Variants in TRPM5 observed in about 807,000 individuals in gnomAD.
The protein encoded by TRPM5 is MLSN1 and TRP-related.
In TRPM5, 121 loss-of-function variants were observed where a neutral mutation model predicts 124.9. That is an observed-to-expected ratio of 0.97 (90% confidence interval 0.84 to 1.13). The LOEUF (loss-of-function observed/expected upper bound fraction) is 1.13. TRPM5 is among the 50% of genes most tolerant of loss of function. The pLI is 0.00. For missense variants in TRPM5, 1,643 were observed against 1,589.1 expected, an observed-to-expected ratio of 1.03 and a Z score of -0.58; for synonymous variants, 781 against 700.5, an observed-to-expected ratio of 1.11 and a Z score of -1.81.
chr11:2,412,154 T>TG lies in TRPM5; in HGVS notation c.2454dup (p.Ile819HisfsTer14). ...ACAGACCTGCAGGTGACACCCACGATGAACAGGAAGATGGCCACCATGTCA... is the reference window on the plus strand; with the variant it reads ...ACAGACCTGCAGGTGACACCCACGATGGAACAGGAAGATGGCCACCATGTCA... On this transcript the variant is annotated frameshift_variant, in exon 16 of 24. Transcript: ENST00000155858. LOFTEE classifies it high-confidence loss of function. The TG allele has an allele frequency of 1.2e-6, 2 of 1,613,466 alleles. No individual in the cohort carries two copies. Among genetic ancestry groups the TG allele is most frequent in the South Asian group, 1.1e-5 (1 of 91,092 alleles).
chr11:2,428,182 G>A, the TRPM5 span, among the ~76,000 whole-genome samples: 1 of 152,192 alleles, frequency 6.6e-6, no homozygotes, highest in African/African-American at 2.4e-5. This position sits in a 1 kb window ranked among gnomAD's most constrained non-coding sequence, Gnocchi z 4.0. Flanking sequence ...GACTCTAATA[G>A]CCTGGCTTCT....
chr11:2,415,659 G>A (rs987347084), intron 8 of TRPM5, among the ~76,000 whole-genome samples, 188 bp from the exon 14 acceptor site: 2 of 152,244 alleles, frequency 1.3e-5, no homozygotes, highest in African/African-American at 2.4e-5. Context: ...GGGGCCAGTC[G>A]TGAGCAAATG....
In TRPM5 at chr11:2,420,219, C is replaced by A. The variant is rs767879243; in HGVS notation, c.649+3G>T. 2.5e-6 allele frequency: 4 copies of A among 1,590,420 alleles called. No individual in the cohort carries two copies. Among genetic ancestry groups the A allele is most frequent in the Non-Finnish European group, 3.4e-6 (4 of 1,172,792 alleles). ...TTCCCTGGGTGGCTGGGGCGGGTCT[C>A]ACCCCCGTAGCCCGCCCTCTGCTCC... On this transcript the variant is annotated splice_donor_region_variant and intron_variant, in intron 4 of 23. Coordinates refer to ENST00000155858, the Ensembl canonical transcript of TRPM5.
intron 21 of TRPM5, 132 bp downstream of exon 26, chr11:2,406,529 C>G: frequency 7.8e-7 from 1 of 1,275,746 alleles, no homozygotes; most frequent in Middle Eastern, 2.0e-4. Context: ...GGCCCCTGGG[C>G]TCGGCCAGAG....
chr11:2,414,544 C>T (rs942102039), intron 11 of TRPM5, among the ~76,000 whole-genome samples, 171 bp downstream of exon 16: 3 of 152,334 alleles, frequency 2.0e-5, no homozygotes, highest in South Asian at 4.1e-4. Flanking sequence ...TCTGGGGCCG[C>T]CTCCACCCCA....
chr11:2,434,109 AGTGT>A, the TRPM5 span, among the ~76,000 whole-genome samples: 1 of 132,764 alleles, frequency 7.5e-6, no homozygotes, highest in South Asian at 2.4e-4. Context: ...GCTGTGTGTG[AGTGT>A]ATGTAGACAC....
the TRPM5 span, among the ~76,000 whole-genome samples, chr11:2,441,303 GGGCCCTCCTCACCTCCTTGCTCACACAGA>G: frequency 6.6e-6 from 1 of 152,132 alleles, no homozygotes; most frequent in South Asian, 2.1e-4. The surrounding 1 kb of genome is among the most constrained non-coding windows in gnomAD (Gnocchi z 7.2). Context: ...CAGCTGATGG[GGGCCCTCCTCACCTCCTTGCTCACACAGA>G]GAGTGGCCAC....
At chr11:2,435,408 C>G in the TRPM5 span, among the ~76,000 whole-genome samples, 3 of 151,934 alleles carry the variant, frequency 2.0e-5, no homozygotes, top group Non-Finnish European at 1.5e-5. This position sits in a 1 kb window ranked among gnomAD's most constrained non-coding sequence, Gnocchi z 4.1. Context: ...ACATATGCAC[C>G]TCCTCACCCA....
exon 4 of TRPM5, chr11:2,420,390 G>C: frequency 6.2e-7 from 1 of 1,610,542 alleles, no homozygotes; most frequent in Non-Finnish European, 8.5e-7. Flanking sequence ...TCAGGGTAGT[G>C]GACAGGAAAA....
chr11:2,436,881 A>G, the TRPM5 span, among the ~76,000 whole-genome samples: 1 of 152,200 alleles, frequency 6.6e-6, no homozygotes, highest in Non-Finnish European at 1.5e-5. Flanking sequence ...CCTCAGATCA[A>G]AGTGAACGCA....
rs531896377 is a variant in TRPM5 at position 2,415,758 on chromosome 11, C to T, written c.1128+148G>A. Reference sequence around the variant, plus strand: ...CCAGTGAGCGAGGCAGAAGCCCGGGCAGAACCGTGGCCTGGTCTTGCCCCG... The same window carrying T: ...CCAGTGAGCGAGGCAGAAGCCCGGGTAGAACCGTGGCCTGGTCTTGCCCCG... On this transcript the variant is annotated intron_variant, in intron 8 of 23. Coordinates refer to ENST00000155858, the Ensembl canonical transcript of TRPM5. 340 of 664,838 alleles carry T rather than the reference C, an allele frequency of 5.1e-4. 1 individual carries two copies. In the African/African-American group the frequency reaches 5.6e-3, roughly 11 times the overall value. 41.2% of individuals were successfully genotyped at this position (664,838 alleles called of 1,614,324 possible). A position where few individuals can be genotyped will look rare whatever the true frequency, so the allele number is the denominator to read the frequency against.
At chr11:2,431,558 G>A in the TRPM5 span, among the ~76,000 whole-genome samples, 333 of 152,230 alleles carry the variant, frequency 2.2e-3, 3 homozygotes, top group African/African-American at 7.6e-3. Context: ...GCCACCCCTG[G>A]TTCAGTACCA....
chr11:2,434,795 G>C, the TRPM5 span, among the ~76,000 whole-genome samples: 9 of 152,230 alleles, frequency 5.9e-5, no homozygotes, highest in Non-Finnish European at 1.0e-4. Context: ...CAAAGTGTGA[G>C]CATTGGGCCA....
At chr11:2,430,543 T>A in the TRPM5 span, among the ~76,000 whole-genome samples, 3 of 151,104 alleles carry the variant, frequency 2.0e-5, no homozygotes, top group Non-Finnish European at 4.4e-5. Flanking sequence ...CTGGTGGTGA[T>A]GTTGGTGGCA....
In TRPM5 at chr11:2,414,746, C is replaced by A. The variant is rs746094271; in HGVS notation, c.1713G>T (p.Thr571=). 8.9e-5 allele frequency: 138 copies of A among 1,546,552 alleles called. No homozygotes were observed. In the Middle Eastern group the frequency reaches 1.2e-3, roughly 14 times the overall value. ...CCAGCCGCTCGTATTTCGCCTCGCG[C>A]GTGGCTCGGGCCGCCTCGGCCTCCG... is the stretch of plus-strand genomic sequence containing the variant. The change falls in exon 11 of 24, where the codon ACG becomes ACT. Residue 571 remains threonine, a synonymous_variant. Coordinates refer to ENST00000155858, the Ensembl canonical transcript of TRPM5.
intron 13 of TRPM5, 78 bp downstream of exon 18, chr11:2,413,398 G>GGCCC (rs1850494364): frequency 2.1e-6 from 3 of 1,414,370 alleles, no homozygotes; most frequent in Non-Finnish European, 2.9e-6. Flanking sequence ...CAGCACCTGC[G>GGCCC]AGGCCCAGGC....
the TRPM5 span, among the ~76,000 whole-genome samples, chr11:2,443,301 G>A: frequency 2.0e-5 from 3 of 152,174 alleles, no homozygotes; most frequent in African/African-American, 7.2e-5. The surrounding 1 kb of genome is among the most constrained non-coding windows in gnomAD (Gnocchi z 5.0). Context: ...CCTTCCTCCT[G>A]CTGAGGTGGG....
chr11:2,438,847 CA>C, the TRPM5 span, among the ~76,000 whole-genome samples: 1 of 151,958 alleles, frequency 6.6e-6, no homozygotes, highest in Non-Finnish European at 1.5e-5. The surrounding 1 kb of genome is among the most constrained non-coding windows in gnomAD (Gnocchi z 5.9). Flanking sequence ...CATATGGAAC[CA>C]AAAAAGAGCC....
At chr11:2,419,832 T>TGGCGGCAGCATACG (rs1845741846) in intron 4 of TRPM5, among the ~76,000 whole-genome samples, 1 of 152,260 alleles carries the variant, frequency 6.6e-6, no homozygotes, top group African/African-American at 2.4e-5. Context: ...CGCTGCCCTC[T>TGGCGGCAGCATACG]GGCGGCAGCA....
Sources: allele counts gnomAD v4.1 joint callset (sites outside exome capture counted in the v4.1 genomes callset), GRCh38; gene constraint gnomAD v4.1.1; non-coding constraint Gnocchi (gnomAD v3.1); transcripts MANE v1.5; gene names NCBI Gene and HGNC (gene_info 2026-07-23, HGNC 2026-07-21).